The following IL18R1 variants were observed in gnomAD, a reference collection of about 807,000 sequenced individuals.
IL18R1 encodes the protein interleukin 18 receptor 1.
IL18R1 carries 40 observed loss-of-function variants against 48.5 expected under a neutral mutation model. That is an observed-to-expected ratio of 0.82 (90% confidence interval 0.64 to 1.07). The LOEUF is 1.07. IL18R1 is among the 50% of genes least tolerant of loss of function. The probability of loss-of-function intolerance (pLI) is 0.00; values close to 1 mark genes in which losing one functional copy is unlikely to be tolerated. For missense variants in IL18R1, 596 were observed against 633.7 expected, an observed-to-expected ratio of 0.94 and a Z score of 0.64; for synonymous variants, 232 against 225.9, an observed-to-expected ratio of 1.03 and a Z score of -0.24.
rs1680480657 is a variant in IL18R1 at position 102,390,132 on chromosome 2, G to C, written c.1026G>C (p.Val342=). The change falls in exon 9 of 11, where the codon GTG becomes GTC. Residue 342 remains valine (V), a synonymous_variant. Coordinates refer to ENST00000233957, the MANE Select transcript of IL18R1 (RefSeq NM_003855.5). ...IIAVLILVAV[V]CLVTVCVIYR... ...CTGTTTTGATCTTGGTGGCAGTAGTGTGCCTAGTGACTGTGTGTGTCATTT... is the reference window on the plus strand; with the variant it reads ...CTGTTTTGATCTTGGTGGCAGTAGTCTGCCTAGTGACTGTGTGTGTCATTT... 1 of 1,613,434 alleles carries C rather than the reference G, an allele frequency of 6.2e-7. No individual in the cohort carries two copies. The highest frequency in any genetic ancestry group is 1.3e-5 in the African/African-American group (1 of 74,752).
Position 102,358,876 on chromosome 2 carries a change from T to G in IL18R1, c.-29+2476T>G, listed in dbSNP as rs12987977. Among the ~76,000 whole-genome samples the G allele has an allele frequency of 0.32, 48,119 of 152,148 alleles. 8,401 individuals carry two copies. Among genetic ancestry groups the G allele is most frequent in the Middle Eastern group, 0.52 (154 of 294 alleles). On this transcript the variant is annotated intron_variant, in intron 1 of 10. Transcript: ENST00000233957. ...GATCACCTAGATTCAAAATTATGTA[T>G]ATTTTATGGATGTAATTCATTCAAT...
At position 102,394,537 on chromosome 2, in the gene IL18R1, A is replaced by G; in HGVS notation, c.1180A>G (p.Thr394Ala). ...ECRPENGEEH[T>A]FAVEILPRVL... Reference sequence around the variant, plus strand: ...CCGACCTGAAAATGGAGAGGAGCACACCTTTGCTGTGGAGATTTTGCCCAG... The same window carrying G: ...CCGACCTGAAAATGGAGAGGAGCACGCCTTTGCTGTGGAGATTTTGCCCAG... The change falls in exon 10 of 11, where the codon ACC becomes GCC. Residue 394 changes from threonine to alanine, a missense_variant. Around this residue, in one of 3 missense-constraint regions of IL18R1, gnomAD observed 179 missense variants for 206.1 expected, o/e 0.87. Transcript: ENST00000233957. 4 of 1,613,330 alleles carry G rather than the reference A, an allele frequency of 2.5e-6. No individual in the cohort carries two copies. Among genetic ancestry groups the G allele is most frequent in the Non-Finnish European group, 3.4e-6 (4 of 1,179,434 alleles).
chr2:102,373,003 C>T (rs1573200968), intron 4 of IL18R1, among the ~76,000 whole-genome samples: 1 of 152,094 alleles, frequency 6.6e-6, no homozygotes, highest in Non-Finnish European at 1.5e-5. Context: ...TTACCCCACA[C>T]TTGAAAAAAG....
At chr2:102,381,704 T>G in intron 6 of IL18R1, 22 bp downstream of exon 6, 1 of 1,545,970 alleles carries the variant, frequency 6.5e-7, no homozygotes. Flanking sequence ...TATACATATA[T>G]TCTGCATTTA....
At chr2:102,376,371 A>G (rs1302637244) in intron 5 of IL18R1, among the ~76,000 whole-genome samples, 2 of 152,250 alleles carry the variant, frequency 1.3e-5, no homozygotes, top group East Asian at 1.9e-4. Context: ...CTTTACAAGT[A>G]TTTAGTGAAG....
In IL18R1 at chr2:102,389,880, T is replaced by C. The variant is rs183362292; in HGVS notation, c.950-176T>C. On this transcript the variant is annotated intron_variant, in intron 8 of 10. Transcript: ENST00000233957. The stretch of plus-strand genomic sequence containing the variant: ...TATTCTTTAAAAATCTGAGTAGAAA[T>C]ATCACTACTCCAGACTAAAGGCAGG... Among the ~76,000 whole-genome samples the C allele has an allele frequency of 4.8e-3, 738 of 152,278 alleles. 6 individuals are homozygous for C. The highest frequency in any genetic ancestry group is 5.8e-3 in the Non-Finnish European group (397 of 68,020).
intron 10 of IL18R1, among the ~76,000 whole-genome samples, chr2:102,395,520 C>A (rs1438534324): frequency 6.6e-6 from 1 of 152,114 alleles, no homozygotes; most frequent in Non-Finnish European, 1.5e-5. Flanking sequence ...CTAACTTACA[C>A]TACTGTTTAG....
intron 8 of IL18R1, among the ~76,000 whole-genome samples, chr2:102,387,488 C>T (rs1204970966): frequency 1.3e-5 from 2 of 152,182 alleles, no homozygotes; most frequent in Non-Finnish European, 2.9e-5. Context: ...CATTGATAGC[C>T]CTGATCTGTG....
In IL18R1 at chr2:102,398,714, G is replaced by A. The variant is rs550780864; in HGVS notation, c.*1828G>A. ...GCATTTCAAGTTAAATGTCTTAAAT[G>A]TATACATTAGATGTGTGTTTTAAAA... On this transcript the variant is annotated 3_prime_UTR_variant, in exon 11 of 11. Coordinates refer to ENST00000233957, the MANE Select transcript of IL18R1 (RefSeq NM_003855.5). The A allele has an allele frequency of 6.6e-6, 1 of 152,398 alleles. No individual in the cohort carries two copies. The highest frequency in any genetic ancestry group is 2.1e-4 in the South Asian group (1 of 4,826). 9.4% of individuals were successfully genotyped at this position (152,398 alleles called of 1,614,324 possible).
chr2:102,371,868 T>G (rs1679283148), intron 3 of IL18R1, 85 bp from the exon 4 acceptor site: 1 of 730,666 alleles, frequency 1.4e-6, no homozygotes, highest in South Asian at 2.0e-5. Flanking sequence ...GGAAAAATAT[T>G]GTAACTGGTT....
intron 4 of IL18R1, among the ~76,000 whole-genome samples, chr2:102,373,147 T>C (rs1205573413): frequency 6.6e-6 from 1 of 152,210 alleles, no homozygotes; most frequent in Non-Finnish European, 1.5e-5. Context: ...CTTTTGTATA[T>C]ATTTATTGCA....
chr2:102,389,442 G>T (rs1680435394), intron 8 of IL18R1, among the ~76,000 whole-genome samples: 2 of 152,070 alleles, frequency 1.3e-5, no homozygotes, highest in Admixed American at 6.6e-5. Flanking sequence ...TTTTCCAAAT[G>T]ATACTTTTAT....
intron 9 of IL18R1, among the ~76,000 whole-genome samples, chr2:102,392,342 G>A (rs1204205286): frequency 6.6e-6 from 1 of 152,202 alleles, no homozygotes; most frequent in Non-Finnish European, 1.5e-5. Context: ...GCATAGGCCA[G>A]TGTTTGTCTT....
In IL18R1 at chr2:102,381,639, G is replaced by A. The variant is rs142917064; in HGVS notation, c.645G>A (p.Pro215=). Residue 215 remains proline (P), a synonymous_variant, in exon 6 of 11, where the codon CCG becomes CCA. Coordinates refer to ENST00000233957, the MANE Select transcript of IL18R1 (RefSeq NM_003855.5). ...TTCTAGATCGCAGTAATATAGTTCCGGTTCTTCTTGGACCAAAGCTTAACC... is the reference window on the plus strand; with the variant it reads ...TTCTAGATCGCAGTAATATAGTTCCAGTTCTTCTTGGACCAAAGCTTAACC... ...TIVEDRSNIV[P]VLLGPKLNHV... 102 of 1,612,750 alleles carry A rather than the reference G, an allele frequency of 6.3e-5. No individual in the cohort carries two copies. Among genetic ancestry groups the A allele is most frequent in the Middle Eastern group, 3.3e-4 (2 of 6,078 alleles).
chr2:102,378,731 G>A (rs1008281984), intron 5 of IL18R1, among the ~76,000 whole-genome samples: 2 of 152,190 alleles, frequency 1.3e-5, no homozygotes, highest in Non-Finnish European at 2.9e-5. Flanking sequence ...GGCACATAAA[G>A]GTGCTCATTA....
At chr2:102,367,303 A>T (rs1340422027) in intron 2 of IL18R1, among the ~76,000 whole-genome samples, 1 of 152,216 alleles carries the variant, frequency 6.6e-6, no homozygotes, top group Non-Finnish European at 1.5e-5. Context: ...ACATAGGCAC[A>T]CTTTTAACCA....
intron 8 of IL18R1, among the ~76,000 whole-genome samples, chr2:102,388,469 G>A (rs1236780340): frequency 6.6e-6 from 1 of 152,182 alleles, no homozygotes; most frequent in African/African-American, 2.4e-5. Context: ...GTGATTGCCT[G>A]TGCTGTGGTC....
intron 10 of IL18R1, among the ~76,000 whole-genome samples, chr2:102,395,117 A>G (rs971668646): frequency 6.6e-6 from 1 of 152,188 alleles, no homozygotes; most frequent in Non-Finnish European, 1.5e-5. Context: ...AAATAGGAAA[A>G]TTGAAAAGGG....
chr2:102,377,065 C>G (rs1338987196), intron 5 of IL18R1, among the ~76,000 whole-genome samples: 2 of 152,186 alleles, frequency 1.3e-5, no homozygotes, highest in African/African-American at 4.8e-5. Flanking sequence ...TCCCCATCAT[C>G]CTGAGAAACT....
Sources: gnomAD v4.1 joint callset for allele counts (sites outside exome capture counted in the v4.1 genomes callset) on GRCh38, gnomAD v4.1.1 for gene constraint, gnomAD v4.1.1 regional missense constraint, MANE v1.5 for transcripts, NCBI Gene and HGNC (gene_info 2026-07-23, HGNC 2026-07-21) for gene names.